The following ANO1 variants were observed in gnomAD, a reference collection of about 807,000 sequenced individuals.
ANO1 encodes anoctamin-1.
In ANO1, 59 loss-of-function variants were observed where a neutral mutation model predicts 124.0. That is an observed-to-expected ratio of 0.48 (90% confidence interval 0.39 to 0.59). ANO1 has a LOEUF of 0.59. Among genes scored for constraint, ANO1 ranks in the 20% least tolerant of loss-of-function variants. ANO1 has a pLI of 0.00. For missense variants in ANO1, 1,059 were observed against 1,328.0 expected (o/e 0.80, Z 3.15); for synonymous variants, 529 against 532.0 (o/e 0.99, Z 0.08).
intron 1 of ANO1, among the ~76,000 whole-genome samples, chr11:70,010,179 G>GTGTATATATA: frequency 2.4e-5 from 2 of 83,812 alleles, no homozygotes; most frequent in Admixed American, 1.3e-4. Flanking sequence ...GTGTGTGTGT[G>GTGTATATATA]TATATATATA....
chr11:70,178,041 T>C (rs1354183714), intron 22 of ANO1, among the ~76,000 whole-genome samples: 4 of 152,250 alleles, frequency 2.6e-5, no homozygotes, highest in Non-Finnish European at 5.9e-5. Flanking sequence ...CACCAGAATC[T>C]GGTTGGAAAG....
intron 2 of ANO1, among the ~76,000 whole-genome samples, chr11:70,097,126 C>G (rs1448051167): frequency 2.0e-5 from 3 of 152,140 alleles, no homozygotes; most frequent in Non-Finnish European, 4.4e-5. Flanking sequence ...GCTGACTTAC[C>G]TATCATTTAT....
intron 1 of ANO1, among the ~76,000 whole-genome samples, chr11:70,003,582 G>A (rs531648772): frequency 1.3e-5 from 2 of 148,460 alleles, no homozygotes; most frequent in East Asian, 4.1e-4. Flanking sequence ...ATAAATTGTT[G>A]GTGGATGGAT....
At chr11:70,068,977 AT>A (rs1857800385) in intron 1 of ANO1, among the ~76,000 whole-genome samples, 1 of 152,126 alleles carries the variant, frequency 6.6e-6, no homozygotes, top group Non-Finnish European at 1.5e-5. Flanking sequence ...AGGCCCATGT[AT>A]TTTCTTAGGT....
chr11:69,973,195 C>T, the ANO1 span, among the ~76,000 whole-genome samples: 1 of 152,152 alleles, frequency 6.6e-6, no homozygotes, highest in Non-Finnish European at 1.5e-5. Flanking sequence ...AGGCGTGAGC[C>T]ACCGCGCCCA....
intron 1 of ANO1, among the ~76,000 whole-genome samples, chr11:70,004,740 G>A (rs910982613): frequency 6.6e-6 from 1 of 152,214 alleles, no homozygotes; most frequent in Admixed American, 6.5e-5. Context: ...GCTACTGGGA[G>A]AGATTTAACA....
At chr11:70,098,825 G>A (rs1027184611) in intron 2 of ANO1, among the ~76,000 whole-genome samples, 1 of 152,164 alleles carries the variant, frequency 6.6e-6, no homozygotes, top group Non-Finnish European at 1.5e-5. Flanking sequence ...GGGACCCTCA[G>A]CATCCCTGCC....
chr11:70,054,241 A>T (rs1374783152), intron 1 of ANO1, among the ~76,000 whole-genome samples: 1 of 152,134 alleles, frequency 6.6e-6, no homozygotes, highest in Non-Finnish European at 1.5e-5. Flanking sequence ...AGATATTCAG[A>T]CCATGCCTAG....
intron 1 of ANO1, among the ~76,000 whole-genome samples, chr11:70,003,198 G>C (rs1481350798): frequency 1.3e-5 from 2 of 152,172 alleles, no homozygotes; most frequent in Non-Finnish European, 2.9e-5. Context: ...AAATCGGCAT[G>C]ACCACAATAG....
At chr11:70,148,618 C>T (rs976520438) in intron 11 of ANO1, among the ~76,000 whole-genome samples, 1 of 152,210 alleles carries the variant, frequency 6.6e-6, no homozygotes, top group Non-Finnish European at 1.5e-5. Context: ...CTGTGGCCTT[C>T]CTATTCCTCT....
chr11:69,977,896 CT>C, the ANO1 span, among the ~76,000 whole-genome samples: 9 of 152,242 alleles, frequency 5.9e-5, no homozygotes, highest in Non-Finnish European at 1.2e-4. Context: ...TATCTCCCCT[CT>C]CCAAAGCGGG....
chr11:70,087,860 C>G lies in ANO1; in HGVS notation c.217C>G (p.Pro73Ala). The G allele has an allele frequency of 6.2e-7, 1 of 1,612,778 alleles. No individual in the cohort carries two copies. The highest frequency in any genetic ancestry group is 8.5e-7 in the Non-Finnish European group (1 of 1,179,682). ...CATCCTGGTGTACCATCACAAGAGGCCCTCGGGCAACCGGACCCTGGTCAG... is the reference window on the plus strand; with the variant it reads ...CATCCTGGTGTACCATCACAAGAGGGCCTCGGGCAACCGGACCCTGGTCAG... ...DYILVYHHKR[P>A]SGNRTLVRRV... Residue 73 changes from proline (P) to alanine (A), a missense_variant, in exon 2 of 26, where the codon CCC becomes GCC. Pro to Ala is a conservative substitution (Grantham distance 27, BLOSUM62 -1). Coordinates refer to ENST00000355303, the MANE Select transcript of ANO1 (RefSeq NM_018043.7).
intron 1 of ANO1, among the ~76,000 whole-genome samples, chr11:70,072,145 G>A (rs577470119): frequency 6.6e-6 from 1 of 152,246 alleles, no homozygotes; most frequent in Admixed American, 6.5e-5. Context: ...AGAGGGCCTT[G>A]AAGGTTCTGA....
intron 1 of ANO1, among the ~76,000 whole-genome samples, chr11:70,050,481 C>T (rs1377138639): frequency 6.6e-6 from 1 of 152,176 alleles, no homozygotes; most frequent in Non-Finnish European, 1.5e-5. Context: ...GGCTCCTCCT[C>T]CCTGTAGGCT....
rs1303319834 is a variant in ANO1, at chr11:70,105,881, G to A, written c.747+93G>A. On this transcript the variant is annotated intron_variant, in intron 5 of 25. Transcript: ENST00000355303. ...CATTTTGGTGAAACTCCTCCCGGTG[G>A]AAGCCGGCTCTAATTGTCTGTGACA... The A allele has an allele frequency of 3.1e-6, 4 of 1,298,932 alleles. No individual in the cohort carries two copies. In the African/African-American group the frequency reaches 5.9e-5, roughly 19 times the overall value. 80.5% of individuals were successfully genotyped at this position (1,298,932 alleles called of 1,614,324 possible). A position where few individuals can be genotyped will look rare whatever the true frequency, so the allele number is the denominator to read the frequency against.
chr11:70,008,691 T>C (rs565185068), intron 1 of ANO1, among the ~76,000 whole-genome samples: 25 of 151,956 alleles, frequency 1.6e-4, no homozygotes, highest in Non-Finnish European at 3.1e-4. Flanking sequence ...TTTGGCAACA[T>C]GCACCTCAAA....
chr11:70,133,580 C>T (rs73530024), intron 11 of ANO1, among the ~76,000 whole-genome samples: 5,466 of 152,248 alleles, frequency 0.036, 312 homozygotes, highest in African/African-American at 0.12. Flanking sequence ...ATCCTTATGG[C>T]GCCTCCGTCC....
chr11:70,053,602 A>G (rs782604483), intron 1 of ANO1, among the ~76,000 whole-genome samples: 2 of 152,206 alleles, frequency 1.3e-5, no homozygotes, highest in Non-Finnish European at 2.9e-5. Context: ...TAACCTTGTT[A>G]ATGGAATTGG....
At chr11:70,151,196 T>C (rs2047589400) in intron 12 of ANO1, among the ~76,000 whole-genome samples, 1 of 152,258 alleles carries the variant, frequency 6.6e-6, no homozygotes, top group East Asian at 1.9e-4. Context: ...GAACCTGACC[T>C]AGCACACAGT....
Sources: allele counts gnomAD v4.1 joint callset (sites outside exome capture counted in the v4.1 genomes callset), GRCh38; gene constraint gnomAD v4.1.1; transcripts MANE v1.5; gene names NCBI Gene and HGNC (gene_info 2026-07-23, HGNC 2026-07-21).